The following C12orf56 variants were observed in gnomAD, a reference collection of about 807,000 sequenced individuals.
C12orf56 encodes the protein chromosome 12 open reading frame 56, also known as uncharacterized protein C12orf56.
A neutral mutation model predicts 69.9 loss-of-function variants in C12orf56; 71 were observed. That is an observed-to-expected ratio of 1.02 (90% CI 0.84 to 1.24). The LOEUF (loss-of-function observed/expected upper bound fraction) is 1.24. Among genes scored for constraint, C12orf56 ranks in the 50% most tolerant of loss-of-function variants. The probability of loss-of-function intolerance (pLI) is 0.00; values close to 1 mark genes in which losing one functional copy is unlikely to be tolerated. For synonymous variants in C12orf56, 276 were observed against 274.1 expected, an observed-to-expected ratio of 1.01 and a Z score of -0.07; for missense variants, 732 against 738.5, an observed-to-expected ratio of 0.99 and a Z score of 0.10.
intron 1 of C12orf56, among the ~76,000 whole-genome samples, chr12:64,363,761 G>T (rs1002356444): frequency 6.6e-6 from 1 of 152,080 alleles, no homozygotes; most frequent in Non-Finnish European, 1.5e-5. Flanking sequence ...ATCATGATGC[G>T]GTCGTCCTTT....
At position 64,357,404 on chromosome 12, in the gene C12orf56, C is replaced by CT. The variant is rs945381692; in HGVS notation, c.253-4349dup. ...TATGTGTTAGCAATCATAATTTTTTCTTTTTTTTTTCTTTCTTTTTTTTTT... is the reference window on the plus strand; with the variant it reads ...TATGTGTTAGCAATCATAATTTTTTCTTTTTTTTTTTCTTTCTTTTTTTTTT... On this transcript the variant is annotated intron_variant, in intron 1 of 12. Transcript: ENST00000543942. Among the ~76,000 whole-genome samples, 848 of 144,466 alleles carry CT rather than the reference C, an allele frequency of 5.9e-3. 6 individuals carry two copies. The highest frequency in any genetic ancestry group is 0.017 in the African/African-American group (683 of 39,572). 94.8% of individuals were successfully genotyped at this position (144,466 alleles called of 152,430 possible).
chr12:64,269,350 C>G (rs1261683962), intron 12 of C12orf56, among the ~76,000 whole-genome samples: 2 of 152,064 alleles, frequency 1.3e-5, no homozygotes, highest in Non-Finnish European at 2.9e-5. Context: ...GTGCACTTGG[C>G]TTTGGCAGCC....
At chr12:64,377,526 T>A (rs1278178080) in intron 1 of C12orf56, among the ~76,000 whole-genome samples, 1 of 152,218 alleles carries the variant, frequency 6.6e-6, no homozygotes, top group East Asian at 1.9e-4. Context: ...GATTTCTTTG[T>A]AAATTTTAAA....
intron 5 of C12orf56, among the ~76,000 whole-genome samples, chr12:64,305,588 G>A (rs928985511): frequency 2.0e-5 from 3 of 152,104 alleles, no homozygotes; most frequent in Admixed American, 2.0e-4. Flanking sequence ...TCACCATGTT[G>A]GCTGGGCTGG....
At chr12:64,312,008 G>A (rs896901005) in intron 5 of C12orf56, among the ~76,000 whole-genome samples, 5 of 152,178 alleles carry the variant, frequency 3.3e-5, no homozygotes, top group Admixed American at 6.5e-5. Flanking sequence ...AATAAATAAG[G>A]CATGTGATGA....
At chr12:64,323,335 A>T (rs944096045) in intron 3 of C12orf56, among the ~76,000 whole-genome samples, 1 of 152,198 alleles carries the variant, frequency 6.6e-6, no homozygotes, top group Non-Finnish European at 1.5e-5. Context: ...AATAGAACAC[A>T]GAGCCCAGCA....
At chr12:64,314,859 T>TATCCTGAC (rs1377299135) in intron 4 of C12orf56, among the ~76,000 whole-genome samples, 1 of 149,370 alleles carries the variant, frequency 6.7e-6, no homozygotes, top group Non-Finnish European at 1.5e-5. Flanking sequence ...AAGATCTCGA[T>TATCCTGAC]CTCCTGACCT....
chr12:64,335,998 T>A (rs2038991725), intron 2 of C12orf56, among the ~76,000 whole-genome samples: 1 of 152,210 alleles, frequency 6.6e-6, no homozygotes, highest in Non-Finnish European at 1.5e-5. Context: ...TATTAAAGAT[T>A]CTAGCAATGA....
intron 2 of C12orf56, among the ~76,000 whole-genome samples, chr12:64,340,021 T>C (rs57424259): frequency 0.021 from 3,156 of 151,866 alleles, 121 homozygotes; most frequent in African/African-American, 0.073. Flanking sequence ...CCCATATATA[T>C]ATATGGAAGT....
rs1259738293 is a variant in C12orf56 at position 64,266,998 on chromosome 12, T to G, written c.*185A>C. The stretch of plus-strand genomic sequence containing the variant: ...CTTTGCACACTTATAATAAATCAAA[T>G]TTATTTTTTAAAATTTTAAACTTCT... On this transcript the variant is annotated 3_prime_UTR_variant, in exon 13 of 13. Coordinates refer to ENST00000543942, the MANE Select transcript of C12orf56 (RefSeq NM_001170633.2). 3 of 518,066 alleles carry G rather than the reference T, an allele frequency of 5.8e-6. No individual in the cohort carries two copies. Among genetic ancestry groups the G allele is most frequent in the Non-Finnish European group, 9.9e-6 (3 of 302,398 alleles). The allele number at this position is 518,066 out of a possible 1,614,324, so 32.1% of individuals were successfully genotyped here. A position where few individuals can be genotyped will look rare whatever the true frequency, so the allele number is the denominator to read the frequency against.
intron 1 of C12orf56, among the ~76,000 whole-genome samples, chr12:64,357,112 A>G (rs1245820886): frequency 6.6e-6 from 1 of 151,824 alleles, no homozygotes; most frequent in African/African-American, 2.4e-5. Context: ...CTCCTAAAAA[A>G]AAAAACACAC....
intron 3 of C12orf56, among the ~76,000 whole-genome samples, chr12:64,327,541 G>A (rs7969899): frequency 0.45 from 68,285 of 152,034 alleles, 15,694 homozygotes; most frequent in African/African-American, 0.54. Context: ...AGCATTATTG[G>A]CACTTAGTGG....
chr12:64,286,876 A>G (rs1247815489), intron 6 of C12orf56, among the ~76,000 whole-genome samples: 1 of 152,148 alleles, frequency 6.6e-6, no homozygotes, highest in Non-Finnish European at 1.5e-5. Flanking sequence ...AATGCCAGAG[A>G]AAGGAAAAAG....
intron 1 of C12orf56, among the ~76,000 whole-genome samples, chr12:64,364,877 T>C (rs1342287208): frequency 1.3e-5 from 2 of 151,956 alleles, no homozygotes; most frequent in East Asian, 3.9e-4. Flanking sequence ...CCCGCCTCCT[T>C]TGGGCACTGC....
At chr12:64,318,553 G>A (rs2038719490) in intron 4 of C12orf56, 22 bp downstream of exon 4, 15 of 1,487,980 alleles carry the variant, frequency 1.0e-5, no homozygotes, top group Admixed American at 2.3e-5. Flanking sequence ...TCAGGTTAAG[G>A]TTAACTTAGG....
At chr12:64,308,889 G>GA (rs1277902055) in intron 5 of C12orf56, among the ~76,000 whole-genome samples, 1 of 69,248 alleles carries the variant, frequency 1.4e-5, no homozygotes, top group African/African-American at 6.8e-5. Flanking sequence ...AAACAGAAAG[G>GA]AAGAAAGAAA....
chr12:64,380,022 G>A (rs1440976358), intron 1 of C12orf56, among the ~76,000 whole-genome samples: 5 of 146,378 alleles, frequency 3.4e-5, no homozygotes, highest in African/African-American at 7.6e-5. Context: ...GGAGAATGGC[G>A]TGAACCCGGG....
intron 1 of C12orf56, among the ~76,000 whole-genome samples, chr12:64,366,388 A>G (rs2039487302): frequency 1.0e-5 from 1 of 96,054 alleles, no homozygotes; most frequent in Admixed American, 1.7e-4. Context: ...TATAACATAC[A>G]GTTTATATAT....
Position 64,302,772 on chromosome 12 carries a change from A to C in C12orf56, c.1113+863T>G, listed in dbSNP as rs1396951545. 7.2e-5 allele frequency among the ~76,000 whole-genome samples: 11 copies of C among 152,156 alleles called. No homozygotes were observed. The East Asian group carries it at 2.1e-3, about 29-fold the overall frequency. Reference sequence around the variant, plus strand: ...CTCCCCAGGACTCACATTTTTAAAAATACCAGTCTTATACTCAAAAATACT... The same window carrying C: ...CTCCCCAGGACTCACATTTTTAAAACTACCAGTCTTATACTCAAAAATACT... On this transcript the variant is annotated intron_variant, in intron 6 of 12. Coordinates refer to ENST00000543942, the MANE Select transcript of C12orf56 (RefSeq NM_001170633.2).
Sources: gnomAD v4.1 joint callset for allele counts (sites outside exome capture counted in the v4.1 genomes callset) on GRCh38, gnomAD v4.1.1 for gene constraint, MANE v1.5 for transcripts, NCBI Gene and HGNC (gene_info 2026-07-23, HGNC 2026-07-21) for gene names.